DNAH9: variants seen among roughly 807,000 people sequenced by gnomAD.
DNAH9 encodes DNAH9 variant protein.
A neutral mutation model predicts 471.6 loss-of-function variants in DNAH9; 345 were observed. That is an observed-to-expected ratio of 0.73 (90% confidence interval 0.67 to 0.80). DNAH9 has a LOEUF of 0.80. DNAH9 is among the 30% of genes least tolerant of loss of function. DNAH9 has a pLI of 0.00. For synonymous variants in DNAH9, 2,093 were observed against 2,123.6 expected (o/e 0.99, Z 0.40); for missense variants, 5,407 against 5,609.2 (o/e 0.96, Z 1.15).
chr17:11,618,828 G>A (rs1375978233), intron 5 of DNAH9, among the ~76,000 whole-genome samples: 1 of 152,062 alleles, frequency 6.6e-6, no homozygotes, highest in Non-Finnish European at 1.5e-5. Flanking sequence ...TTAAAGATGT[G>A]GGCTACTGTT....
chr17:11,701,260 T>G lies in DNAH9; in HGVS notation c.5151+13T>G, dbSNP rs1171869286. On this transcript the variant is annotated intron_variant, in intron 24 of 68. Transcript: ENST00000262442. ...CCACCCAGCTCAGGTATTCTCCTAA[T>G]GGGATCCCCATCCTCCATGGTTGGG... 1 of 1,612,374 alleles carries G rather than the reference T, an allele frequency of 6.2e-7. No homozygotes were observed. Among genetic ancestry groups the G allele is most frequent in the East Asian group, 2.2e-5 (1 of 44,846 alleles).
chr17:11,787,891 C>T (rs543500356), intron 41 of DNAH9, among the ~76,000 whole-genome samples: 43 of 152,258 alleles, frequency 2.8e-4, no homozygotes, highest in Non-Finnish European at 4.9e-4. Context: ...TGCCTCCCAC[C>T]GTGGTTCTGA....
rs1252486766 is a variant in DNAH9 at position 11,937,735 on chromosome 17, C to T, written c.12660+213C>T. 6.6e-6 allele frequency among the ~76,000 whole-genome samples: 1 copy of T among 152,308 alleles called. No individual in the cohort carries two copies. Among genetic ancestry groups the T allele is most frequent in the South Asian group, 2.1e-4 (1 of 4,828 alleles). On this transcript the variant is annotated intron_variant, in intron 66 of 68. Coordinates refer to ENST00000262442, the MANE Select transcript of DNAH9 (RefSeq NM_001372.4). The surrounding 1 kb of genome is among the most constrained non-coding windows in gnomAD (Gnocchi z 4.1). Reference sequence around the variant, plus strand: ...GGCCATCAGTTAAATCATAGGAAGTCCCTGCCATTGGGTTCAGCAGTTTTC... The same window carrying T: ...GGCCATCAGTTAAATCATAGGAAGTTCCTGCCATTGGGTTCAGCAGTTTTC...
At chr17:11,931,089 T>A (rs1052620882) in intron 63 of DNAH9, among the ~76,000 whole-genome samples, 4 of 152,194 alleles carry the variant, frequency 2.6e-5, no homozygotes. Flanking sequence ...ACTATTTCTT[T>A]TTGGTTCTCT....
chr17:11,727,519 CT>C (rs2075176827), intron 27 of DNAH9, among the ~76,000 whole-genome samples: 2 of 152,208 alleles, frequency 1.3e-5, no homozygotes, highest in South Asian at 4.1e-4. Flanking sequence ...GAAAAATCAT[CT>C]TTTATTCATT....
intron 10 of DNAH9, among the ~76,000 whole-genome samples, chr17:11,641,674 AGCAGAAG>A (rs1176072784): frequency 3.3e-5 from 5 of 152,062 alleles, no homozygotes; most frequent in South Asian, 2.1e-4. Context: ...TCAATCACGC[AGCAGAAG>A]GCAGAAGGGA....
Position 11,719,440 on chromosome 17 carries a change from C to G in DNAH9, c.5659C>G (p.Leu1887Val). Residue 1887 changes from leucine (L) to valine (V), a missense_variant, in exon 27 of 69, where the codon CTG becomes GTG. Physicochemically the swap from Leu to Val is conservative, Grantham distance 32 (BLOSUM62 1). Coordinates refer to ENST00000262442, the MANE Select transcript of DNAH9 (RefSeq NM_001372.4). ...GACCACCAAGGACCTGGGCCGCGCA[C>G]TGGGCATCCTGGTCTATGTGTTCAA... is the stretch of plus-strand genomic sequence containing the variant. ...TETTKDLGRA[L>V]GILVYVFNCS... is the part of the protein sequence containing the mutation. The G allele has an allele frequency of 6.2e-7, 1 of 1,613,860 alleles. No homozygotes were observed.
At chr17:11,708,004 CACACACACACAGAG>C (rs1436421868) in intron 26 of DNAH9, among the ~76,000 whole-genome samples, 142 of 48,952 alleles carry the variant, frequency 2.9e-3, no homozygotes, top group South Asian at 0.015. Flanking sequence ...CACACACACA[CACACACACACAGAG>C]AGAGAGAGAG....
At chr17:11,929,691 G>C (rs1410543314) in intron 62 of DNAH9, among the ~76,000 whole-genome samples, 175 bp from the exon 63 acceptor site, 1 of 152,178 alleles carries the variant, frequency 6.6e-6, no homozygotes, top group Non-Finnish European at 1.5e-5. Flanking sequence ...GCCATTAACT[G>C]TCCACTTAAA....
chr17:11,642,596 A>T (rs1449444900), intron 10 of DNAH9, among the ~76,000 whole-genome samples: 1 of 152,220 alleles, frequency 6.6e-6, no homozygotes, highest in African/African-American at 2.4e-5. Flanking sequence ...TTGATTGGTT[A>T]TTGAAAATGT....
intron 19 of DNAH9, among the ~76,000 whole-genome samples, chr17:11,682,045 A>T (rs888416109): frequency 2.6e-5 from 4 of 152,114 alleles, no homozygotes; most frequent in Non-Finnish European, 2.9e-5. Context: ...GAAAAACTGT[A>T]CTGGTTTGTC....
chr17:11,629,639 A>G lies in DNAH9; in HGVS notation c.1518+55A>G, dbSNP rs2073031395. The G allele has an allele frequency of 2.6e-6, 4 of 1,519,498 alleles. No homozygotes were observed. In the Admixed American group the frequency reaches 5.2e-5, roughly 20 times the overall value. 94.1% of individuals were successfully genotyped at this position (1,519,498 alleles called of 1,614,324 possible). A position where few individuals can be genotyped will look rare whatever the true frequency, so the allele number is the denominator to read the frequency against. On this transcript the variant is annotated intron_variant, in intron 7 of 68. Transcript: ENST00000262442. ...TCTGCCTCTGTCCCGGATGCCTCTCATCTGTAGGGTCTAGGTATTTACTTG... is the reference window on the plus strand; with the variant it reads ...TCTGCCTCTGTCCCGGATGCCTCTCGTCTGTAGGGTCTAGGTATTTACTTG...
At chr17:11,860,805 C>T (rs964873455) in intron 50 of DNAH9, among the ~76,000 whole-genome samples, 5 of 152,150 alleles carry the variant, frequency 3.3e-5, no homozygotes, top group South Asian at 4.1e-4. Flanking sequence ...AGGTGATCTG[C>T]CCGCCTCGGC....
At chr17:11,707,482 C>T (rs375176140) in intron 26 of DNAH9, among the ~76,000 whole-genome samples, 11 of 152,160 alleles carry the variant, frequency 7.2e-5, no homozygotes, top group South Asian at 2.1e-4. Context: ...AATCCCAGCA[C>T]GATTCATAGC....
At position 11,836,182 on chromosome 17, in the gene DNAH9, A is replaced by G. The variant is rs7218843; in HGVS notation, c.9507+1284A>G. Among the ~76,000 whole-genome samples, 312 of 152,260 alleles carry G rather than the reference A, an allele frequency of 2.0e-3. 2 individuals are homozygous for G. The highest frequency in any genetic ancestry group is 6.9e-3 in the African/African-American group (288 of 41,548). On this transcript the variant is annotated intron_variant, in intron 49 of 68. Transcript: ENST00000262442. ...TAATCTCTAACCTCCTGACTTTCTT[A>G]TATCCTCAATTAGAGTAAAGGGTTG...
intron 67 of DNAH9, among the ~76,000 whole-genome samples, chr17:11,950,207 T>C (rs1975313876): frequency 1.3e-5 from 2 of 152,208 alleles, no homozygotes; most frequent in Admixed American, 1.3e-4. Context: ...GGTACTTTTC[T>C]TATAACTGAT....
At chr17:11,645,610 G>A (rs926451139) in intron 11 of DNAH9, among the ~76,000 whole-genome samples, 18 of 151,984 alleles carry the variant, frequency 1.2e-4, no homozygotes, top group African/African-American at 4.4e-4. Flanking sequence ...TTGCCTCCTC[G>A]TCACCACCTC....
intron 19 of DNAH9, among the ~76,000 whole-genome samples, chr17:11,683,999 T>C (rs919381884): frequency 2.0e-5 from 3 of 152,208 alleles, no homozygotes; most frequent in Admixed American, 6.5e-5. Flanking sequence ...GTAGGTATTA[T>C]GTGTGGCATG....
chr17:11,766,447 C>CA (rs1333290818), intron 36 of DNAH9, among the ~76,000 whole-genome samples: 3 of 152,154 alleles, frequency 2.0e-5, no homozygotes, highest in South Asian at 4.1e-4. Flanking sequence ...ATAAAACCCC[C>CA]ACTTTATAAA....
Sources: allele counts gnomAD v4.1 joint callset (sites outside exome capture counted in the v4.1 genomes callset), GRCh38; gene constraint gnomAD v4.1.1; non-coding constraint Gnocchi (gnomAD v3.1); transcripts MANE v1.5; gene names NCBI Gene and HGNC (gene_info 2026-07-23, HGNC 2026-07-21).